The following PTPRK variants were observed in gnomAD, a reference collection of about 807,000 sequenced individuals.
PTPRK encodes the protein receptor-type tyrosine-protein phosphatase kappa.
A neutral mutation model predicts 178.0 loss-of-function variants in PTPRK; 75 were observed. The ratio of observed to expected loss-of-function variants is 0.42; its 90% CI spans 0.35 to 0.51. The LOEUF (loss-of-function observed/expected upper bound fraction) is 0.51. Ranked by LOEUF, PTPRK falls within the 20% of genes least tolerant of loss-of-function variation. The probability of loss-of-function intolerance (pLI) is 0.02; values close to 1 mark genes in which losing one functional copy is unlikely to be tolerated. For missense variants in PTPRK, 1,441 were observed against 1,797.8 expected (o/e 0.80, Z 3.59); for synonymous variants, 637 against 620.6 (o/e 1.03, Z -0.39).
intron 1 of PTPRK, among the ~76,000 whole-genome samples, chr6:128,453,361 A>G (rs1848014135): frequency 6.6e-6 from 1 of 152,132 alleles, no homozygotes; most frequent in South Asian, 2.1e-4. Flanking sequence ...CCTTTGCTGG[A>G]CCCATAACTT....
chr6:128,420,707 C>A (rs1843381439), intron 1 of PTPRK, among the ~76,000 whole-genome samples: 1 of 152,120 alleles, frequency 6.6e-6, no homozygotes, highest in Admixed American at 6.5e-5. Context: ...AAAATGACAG[C>A]ATTAAGAATA....
intron 13 of PTPRK, among the ~76,000 whole-genome samples, chr6:128,018,602 T>C (rs936449923): frequency 4.6e-5 from 7 of 152,046 alleles, no homozygotes; most frequent in Middle Eastern, 6.8e-3. Flanking sequence ...TTCTTATTGG[T>C]AAAATGGAGA....
At chr6:128,369,611 A>G (rs1835990013) in intron 2 of PTPRK, among the ~76,000 whole-genome samples, 1 of 152,182 alleles carries the variant, frequency 6.6e-6, no homozygotes, top group African/African-American at 2.4e-5. Context: ...TAATAAATTT[A>G]TAGAAATTAC....
Position 128,078,803 on chromosome 6 carries a change from C to T in PTPRK, c.1883+10G>A, listed in dbSNP as rs776736521. ...GATAAGGCAGAACTACTGTAGTTTT[C>T]TCCTCTTACCTGATAGGAGCACCTT... On this transcript the variant is annotated intron_variant, in intron 11 of 29. Coordinates refer to ENST00000368226, the MANE Select transcript of PTPRK (RefSeq NM_002844.4). 2 of 1,585,194 alleles carry T rather than the reference C, an allele frequency of 1.3e-6. No individual in the cohort carries two copies. The highest frequency in any genetic ancestry group is 2.2e-5 in the South Asian group (2 of 90,294).
At chr6:128,100,537 C>T (rs1788611230) in intron 7 of PTPRK, among the ~76,000 whole-genome samples, 2 of 151,764 alleles carry the variant, frequency 1.3e-5, no homozygotes, top group South Asian at 4.1e-4. Flanking sequence ...ATTAGGGGAG[C>T]CTAATATTTT....
At chr6:128,331,578 G>C (rs993855143) in intron 2 of PTPRK, among the ~76,000 whole-genome samples, 1 of 152,004 alleles carries the variant, frequency 6.6e-6, no homozygotes, top group Non-Finnish European at 1.5e-5. Context: ...ACGGACATCA[G>C]TGCCATCACT....
chr6:128,260,418 A>G (rs1166783314), intron 3 of PTPRK, among the ~76,000 whole-genome samples: 1 of 152,164 alleles, frequency 6.6e-6, no homozygotes, highest in Non-Finnish European at 1.5e-5. Flanking sequence ...AAAATAAAAT[A>G]GAGAAGATGG....
intron 7 of PTPRK, among the ~76,000 whole-genome samples, chr6:128,114,355 T>C (rs1323293083): frequency 6.6e-6 from 1 of 151,912 alleles, no homozygotes; most frequent in Admixed American, 6.6e-5. Context: ...TGGTGGCTCA[T>C]GCCTGTAATC....
rs535262827 is a variant in PTPRK, at chr6:128,289,423, T to G, written c.495+32616A>C. Among the ~76,000 whole-genome samples, 33 of 152,282 alleles carry G rather than the reference T, an allele frequency of 2.2e-4. No individual in the cohort carries two copies. In the South Asian group the frequency reaches 5.4e-3, roughly 25 times the overall value. The stretch of plus-strand genomic sequence containing the variant: ...AATTTATAAAATCTAAGTACAGTCT[T>G]AGTTCAAAGTATTGAAATAGAATGT... On this transcript the variant is annotated intron_variant, in intron 3 of 29. Coordinates refer to ENST00000368226, the MANE Select transcript of PTPRK (RefSeq NM_002844.4).
intron 7 of PTPRK, among the ~76,000 whole-genome samples, chr6:128,111,601 C>A (rs1188229247): frequency 6.6e-6 from 1 of 150,650 alleles, no homozygotes; most frequent in Admixed American, 6.6e-5. Flanking sequence ...TTAAAATGTA[C>A]CTATAACTGG....
At chr6:128,472,819 C>T (rs1584883345) in intron 1 of PTPRK, 1 of 183,132 alleles carries the variant, frequency 5.5e-6, no homozygotes, top group South Asian at 1.1e-4. Flanking sequence ...TGAACCAAAT[C>T]TAGTCTGCCA....
At chr6:128,199,898 A>G (rs1440167344) in intron 6 of PTPRK, among the ~76,000 whole-genome samples, 2 of 152,234 alleles carry the variant, frequency 1.3e-5, no homozygotes, top group Admixed American at 1.3e-4. Context: ...AAGAATAGCC[A>G]TCTGCAAAAG....
intron 10 of PTPRK, among the ~76,000 whole-genome samples, chr6:128,080,812 A>G (rs1784685137): frequency 6.6e-6 from 1 of 152,086 alleles, no homozygotes; most frequent in Non-Finnish European, 1.5e-5. Flanking sequence ...AAATTTATTA[A>G]TCTTAGATGT....
chr6:127,976,841 G>T (rs4321844), intron 26 of PTPRK, 59 bp from the exon 27 acceptor site: 1,444,061 of 1,611,154 alleles, frequency 0.9, 651,104 homozygotes, highest in Middle Eastern at 0.95. Context: ...CTAGTTAGGA[G>T]AGTATAAAGC....
At chr6:128,277,327 G>C (rs1416381330) in intron 3 of PTPRK, among the ~76,000 whole-genome samples, 1 of 152,076 alleles carries the variant, frequency 6.6e-6, no homozygotes, top group Non-Finnish European at 1.5e-5. Flanking sequence ...AACATTACTT[G>C]TACAAGTAGT....
rs547822814 is a variant in PTPRK at position 128,393,594 on chromosome 6, C to T, written c.223+3972G>A. ...ACAGTAAAAATGGGTAAGAGATTAACGAATGGATAAGCAGACAAAGAAATA... is the reference window on the plus strand; with the variant it reads ...ACAGTAAAAATGGGTAAGAGATTAATGAATGGATAAGCAGACAAAGAAATA... On this transcript the variant is annotated intron_variant, in intron 2 of 29. Transcript: ENST00000368226. Among the ~76,000 whole-genome samples the T allele has an allele frequency of 5.3e-5, 8 of 152,008 alleles. No individual in the cohort carries two copies. The South Asian group carries it at 8.3e-4, about 16-fold the overall frequency.
chr6:128,253,065 G>A (rs1409002082), intron 3 of PTPRK, among the ~76,000 whole-genome samples: 1 of 152,096 alleles, frequency 6.6e-6, no homozygotes, highest in East Asian at 1.9e-4. Context: ...GCTCTCTTCT[G>A]AGGCTTCCCA....
intron 2 of PTPRK, among the ~76,000 whole-genome samples, chr6:128,367,083 T>C (rs755116642): frequency 3.3e-5 from 5 of 152,146 alleles, no homozygotes; most frequent in Admixed American, 1.3e-4. Flanking sequence ...GGTCTCTATG[T>C]GCCACCTTCT....
At chr6:128,123,718 T>G (rs1012698676) in intron 7 of PTPRK, among the ~76,000 whole-genome samples, 35 of 152,214 alleles carry the variant, frequency 2.3e-4, no homozygotes, top group African/African-American at 8.4e-4. Flanking sequence ...ACATCATATC[T>G]CCTTCATCTT....
Sources: gnomAD v4.1 joint callset for allele counts (sites outside exome capture counted in the v4.1 genomes callset) on GRCh38, gnomAD v4.1.1 for gene constraint, MANE v1.5 for transcripts, NCBI Gene and HGNC (gene_info 2026-07-23, HGNC 2026-07-21) for gene names.